Variants in WDR41 observed in about 807,000 individuals in gnomAD.
The protein encoded by WDR41 is WD repeat domain 41.
A neutral mutation model predicts 69.3 loss-of-function variants in WDR41; 63 were observed. That is an observed-to-expected ratio of 0.91 (90% CI 0.74 to 1.12). The LOEUF is 1.12. Ranked by LOEUF, WDR41 falls within the 50% of genes most tolerant of loss-of-function variation. The pLI is 0.00. For synonymous variants in WDR41, 185 were observed against 192.1 expected, an observed-to-expected ratio of 0.96 and a Z score of 0.31; for missense variants, 543 against 534.5, an observed-to-expected ratio of 1.02 and a Z score of -0.16.
chr5:77,614,921 A>G (rs765121423), intron 1 of WDR41, among the ~76,000 whole-genome samples: 1 of 152,134 alleles, frequency 6.6e-6, no homozygotes, highest in Non-Finnish European at 1.5e-5. Flanking sequence ...AAATAAGTAC[A>G]TGGCAGGAGG....
intron 1 of WDR41, among the ~76,000 whole-genome samples, chr5:77,612,884 T>A (rs1235052395): frequency 2.0e-5 from 3 of 151,840 alleles, no homozygotes; most frequent in African/African-American, 7.3e-5. Flanking sequence ...TGATTGTATA[T>A]CTAGAAAACC....
At chr5:77,552,526 C>A (rs1743317792) in intron 1 of WDR41, among the ~76,000 whole-genome samples, 1 of 152,008 alleles carries the variant, frequency 6.6e-6, no homozygotes, top group Non-Finnish European at 1.5e-5. Context: ...TTTTCATAGA[C>A]CGAGGCAAGC....
At chr5:77,595,604 T>G (rs4532348) in intron 1 of WDR41, among the ~76,000 whole-genome samples, 73,896 of 151,998 alleles carry the variant, frequency 0.49, 18,279 homozygotes, top group African/African-American at 0.58. Flanking sequence ...GTGGTTATAC[T>G]TCATTGCAAG....
At chr5:77,554,840 C>T (rs1027985814) in intron 1 of WDR41, among the ~76,000 whole-genome samples, 1 of 151,724 alleles carries the variant, frequency 6.6e-6, no homozygotes, top group Non-Finnish European at 1.5e-5. Context: ...GCCTAGAGGC[C>T]GGGTGGGGTG....
intron 1 of WDR41, among the ~76,000 whole-genome samples, chr5:77,490,276 T>C (rs926743051): frequency 1.3e-5 from 2 of 152,156 alleles, no homozygotes; most frequent in Non-Finnish European, 2.9e-5. Context: ...GATAATTCTT[T>C]GTTGTTGAGA....
At chr5:77,597,654 TG>T (rs1744251267) in intron 1 of WDR41, among the ~76,000 whole-genome samples, 2 of 152,230 alleles carry the variant, frequency 1.3e-5, no homozygotes, top group Admixed American at 1.3e-4. Flanking sequence ...GAAATAGATT[TG>T]TTTTGTTCAC....
chr5:77,470,991 C>G (rs1800577108), intron 2 of WDR41, among the ~76,000 whole-genome samples: 1 of 152,290 alleles, frequency 6.6e-6, no homozygotes, highest in East Asian at 1.9e-4. Context: ...CAGCATCACA[C>G]CACACTTATT....
In WDR41 at chr5:77,453,809, T is replaced by G; in HGVS notation, c.523+8A>C. On this transcript the variant is annotated splice_region_variant and intron_variant, in intron 6 of 12. Transcript: ENST00000296679. Reference sequence around the variant, plus strand: ...ATCATAGTTCAAAATTACCTTGATGTTTTTTACCTGTATCAGAAAGGTGGC... The same window carrying G: ...ATCATAGTTCAAAATTACCTTGATGGTTTTTACCTGTATCAGAAAGGTGGC... The G allele has an allele frequency of 5.0e-6, 8 of 1,607,384 alleles. No individual in the cohort carries two copies. The highest frequency in any genetic ancestry group is 6.8e-6 in the Non-Finnish European group (8 of 1,173,930).
chr5:77,509,580 T>C (rs1024081952), intron 1 of WDR41, among the ~76,000 whole-genome samples: 2 of 152,066 alleles, frequency 1.3e-5, no homozygotes, highest in African/African-American at 2.4e-5. Context: ...ATTAGCGAAG[T>C]GAAAGAAGGC....
upstream of WDR41, among the ~76,000 whole-genome samples, chr5:77,492,930 G>A (rs1304022653): frequency 2.0e-5 from 3 of 152,294 alleles, no homozygotes; most frequent in Admixed American, 2.0e-4. Flanking sequence ...GCTAGGAAGT[G>A]GCTACATTGG....
intron 1 of WDR41, among the ~76,000 whole-genome samples, chr5:77,519,340 TTA>T (rs1802339144): frequency 6.6e-6 from 1 of 151,964 alleles, no homozygotes. Flanking sequence ...CCATAATCAA[TTA>T]TACTGTATGA....
chr5:77,469,902 C>T (rs951282696), intron 2 of WDR41, among the ~76,000 whole-genome samples: 6 of 152,064 alleles, frequency 3.9e-5, no homozygotes, highest in Admixed American at 2.0e-4. Flanking sequence ...GGCAGGCCAA[C>T]ATTCAGATTC....
At chr5:77,451,184 A>G in intron 7 of WDR41, 107 bp downstream of exon 7, 1 of 975,880 alleles carries the variant, frequency 1.0e-6, no homozygotes, top group Admixed American at 2.2e-5. Context: ...AGAAGCCAAG[A>G]GTGGGGCACA....
intron 1 of WDR41, among the ~76,000 whole-genome samples, chr5:77,619,448 G>A (rs141663673): frequency 5.3e-5 from 8 of 152,194 alleles, no homozygotes; most frequent in African/African-American, 1.9e-4. Context: ...AGACTTTCCT[G>A]TATTACACCC....
In WDR41 at chr5:77,501,066, C is replaced by T. The variant is rs189528178; in HGVS notation, c.43-11494G>A. The stretch of plus-strand genomic sequence containing the variant: ...CCATGTAGGGCAAGCCTAAGCAGGG[C>T]GAGGCGTTGCCTCACCCAGGAAGTG... On this transcript the variant is annotated intron_variant, in intron 1 of 5. Transcript: ENST00000509971. Among the ~76,000 whole-genome samples, 1,301 of 152,328 alleles carry T rather than the reference C, an allele frequency of 8.5e-3. 14 individuals are homozygous for T. Among genetic ancestry groups the T allele is most frequent in the South Asian group, 0.025 (119 of 4,828 alleles).
chr5:77,529,882 T>C (rs1336654987), intron 1 of WDR41, among the ~76,000 whole-genome samples: 2 of 151,712 alleles, frequency 1.3e-5, no homozygotes, highest in Non-Finnish European at 3.0e-5. Context: ...AAGTGATTTG[T>C]AGACCTAAGC....
chr5:77,487,310 G>C (rs558696020), intron 2 of WDR41, among the ~76,000 whole-genome samples: 1 of 152,058 alleles, frequency 6.6e-6, no homozygotes, highest in African/African-American at 2.4e-5. Flanking sequence ...AAAATATAGC[G>C]CAAGAAAACT....
chr5:77,535,049 C>T (rs1051417558), intron 1 of WDR41, among the ~76,000 whole-genome samples: 1 of 152,080 alleles, frequency 6.6e-6, no homozygotes, highest in Admixed American at 6.5e-5. Context: ...TTCATGGATC[C>T]AGTCATTTTT....
At chr5:77,435,301 T>C (rs1354005228) in intron 12 of WDR41, among the ~76,000 whole-genome samples, 1 of 152,194 alleles carries the variant, frequency 6.6e-6, no homozygotes, top group Non-Finnish European at 1.5e-5. Flanking sequence ...CCTCTAACCA[T>C]TTACAAGATT....
Sources: gnomAD v4.1 joint callset for allele counts (sites outside exome capture counted in the v4.1 genomes callset) on GRCh38, gnomAD v4.1.1 for gene constraint, MANE v1.5 for transcripts, NCBI Gene and HGNC (gene_info 2026-07-23, HGNC 2026-07-21) for gene names.